The following SYCP1 variants were observed in gnomAD, a reference collection of about 807,000 sequenced individuals.
SYCP1 encodes the protein synaptonemal complex protein 1, also known as cancer/testis antigen 8.
A neutral mutation model predicts 153.1 loss-of-function variants in SYCP1; 64 were observed. The ratio of observed to expected loss-of-function variants is 0.42; its 90% CI spans 0.34 to 0.51. The LOEUF (loss-of-function observed/expected upper bound fraction) is 0.51, where lower values mean the gene tolerates loss of function less well. Among genes scored for constraint, SYCP1 ranks in the 20% least tolerant of loss-of-function variants. SYCP1 has a pLI of 0.06. For missense variants in SYCP1, 997 were observed against 1,049.0 expected, an observed-to-expected ratio of 0.95 and a Z score of 0.68; for synonymous variants, 384 against 341.8, an observed-to-expected ratio of 1.12 and a Z score of -1.36.
intron 30 of SYCP1, among the ~76,000 whole-genome samples, chr1:114,989,559 A>G (rs1431013416): frequency 6.6e-6 from 1 of 151,984 alleles, no homozygotes; most frequent in African/African-American, 2.4e-5. Context: ...CTATCAAAAG[A>G]TATAGATTGG....
At chr1:114,968,817 T>C (rs1672303678) in intron 27 of SYCP1, among the ~76,000 whole-genome samples, 1 of 152,268 alleles carries the variant, frequency 6.6e-6, no homozygotes, top group African/African-American at 2.4e-5. Flanking sequence ...CATGGATTTA[T>C]CTACTTTTGG....
intron 6 of SYCP1, 136 bp downstream of exon 6, chr1:114,858,847 A>G (rs1460138680): frequency 1.3e-6 from 1 of 768,086 alleles, no homozygotes; most frequent in African/African-American, 1.7e-5. Flanking sequence ...GCTTTTTAAA[A>G]GTTACATCAA....
intron 31 of SYCP1, 28 bp from the exon 32 acceptor site, chr1:114,994,854 T>G (rs1271994299): frequency 3.2e-6 from 5 of 1,576,190 alleles, no homozygotes; most frequent in Non-Finnish European, 4.3e-6. Flanking sequence ...AAACATGTTA[T>G]GATTTTTAAA....
chr1:114,911,997 A>G (rs956643980), intron 18 of SYCP1, among the ~76,000 whole-genome samples: 3 of 151,996 alleles, frequency 2.0e-5, no homozygotes, highest in Non-Finnish European at 2.9e-5. Context: ...CAGTAAGTTT[A>G]ATTTGGAGAG....
intron 12 of SYCP1, among the ~76,000 whole-genome samples, chr1:114,882,691 G>A (rs1666037249): frequency 6.6e-6 from 1 of 151,848 alleles, no homozygotes; most frequent in Admixed American, 6.6e-5. Context: ...TGAAAAAAAA[G>A]ATTACTTGTA....
intron 25 of SYCP1, 22 bp downstream of exon 25, chr1:114,945,004 A>T: frequency 6.8e-7 from 1 of 1,468,648 alleles, no homozygotes; most frequent in East Asian, 2.4e-5. Flanking sequence ...CTTCTTATAT[A>T]ATGAAAATTA....
At chr1:114,991,446 A>C (rs555369511) in intron 30 of SYCP1, among the ~76,000 whole-genome samples, 183 of 152,052 alleles carry the variant, frequency 1.2e-3, no homozygotes, top group Non-Finnish European at 2.3e-3. Flanking sequence ...CATATTAAAA[A>C]TTATTTGCCA....
Position 114,923,158 on chromosome 1 carries a change from A to G in SYCP1, c.1719-291A>G, listed in dbSNP as rs11102853. 4.0e-3 allele frequency among the ~76,000 whole-genome samples: 610 copies of G among 152,314 alleles called. 6 individuals are homozygous for G. The highest frequency in any genetic ancestry group is 0.013 in the African/African-American group (557 of 41,574). ...TTTTAAGCCATCAATTTACTTCTGA[A>G]CACAATGATGAATTTATGATATAGT... is the stretch of plus-strand genomic sequence containing the variant. On this transcript the variant is annotated intron_variant, in intron 20 of 31. Coordinates refer to ENST00000369522, the MANE Select transcript of SYCP1 (RefSeq NM_003176.4).
intron 27 of SYCP1, among the ~76,000 whole-genome samples, chr1:114,971,977 G>A (rs1591899): frequency 0.39 from 58,533 of 151,912 alleles, 12,486 homozygotes; most frequent in East Asian, 0.5. Context: ...TTTCAGAATA[G>A]TTTGAGCAGG....
At chr1:114,940,641 A>G (rs951558601) in intron 23 of SYCP1, among the ~76,000 whole-genome samples, 3 of 152,194 alleles carry the variant, frequency 2.0e-5, no homozygotes, top group African/African-American at 4.8e-5. Context: ...ACACTCTGGT[A>G]TGACTTTAGT....
chr1:114,995,235 G>A lies in SYCP1; in HGVS notation c.*216G>A. Reference sequence around the variant, plus strand: ...TCAGATAATTAGATGATTATATATTGTTGTTACTTTTTCTTGTATTCATGA... The same window carrying A: ...TCAGATAATTAGATGATTATATATTATTGTTACTTTTTCTTGTATTCATGA... On this transcript the variant is annotated 3_prime_UTR_variant, in exon 32 of 32. Coordinates refer to ENST00000369522, the MANE Select transcript of SYCP1 (RefSeq NM_003176.4). The A allele has an allele frequency of 2.8e-6, 1 of 360,730 alleles. No homozygotes were observed. Among genetic ancestry groups the A allele is most frequent in the Non-Finnish European group, 4.8e-6 (1 of 210,060 alleles). 22.3% of individuals were successfully genotyped at this position (360,730 alleles called of 1,614,324 possible). A position where few individuals can be genotyped will look rare whatever the true frequency, so the allele number is the denominator to read the frequency against.
chr1:114,893,010 T>G (rs1202881483), intron 15 of SYCP1, among the ~76,000 whole-genome samples: 1 of 152,136 alleles, frequency 6.6e-6, no homozygotes, highest in Non-Finnish European at 1.5e-5. Flanking sequence ...TATGTTAATC[T>G]CAGGGTCCAA....
intron 27 of SYCP1, among the ~76,000 whole-genome samples, chr1:114,973,235 GGAATCTTCTGTTTAA>G (rs1165296824): frequency 1.3e-5 from 2 of 152,018 alleles, no homozygotes; most frequent in African/African-American, 4.8e-5. Flanking sequence ...TTCTTTTAGA[GGAATCTTCTGTTTAA>G]GAAGTTTATC....
intron 27 of SYCP1, among the ~76,000 whole-genome samples, chr1:114,967,612 C>T (rs960575668): frequency 7.2e-5 from 11 of 152,140 alleles, no homozygotes; most frequent in Middle Eastern, 3.4e-3. Context: ...TACAGCACAC[C>T]GATGGGTCTT....
At chr1:114,912,751 A>G (rs1381502803) in intron 18 of SYCP1, among the ~76,000 whole-genome samples, 1 of 151,974 alleles carries the variant, frequency 6.6e-6, no homozygotes, top group Non-Finnish European at 1.5e-5. Flanking sequence ...AAATTTGTGG[A>G]AAGTATGAAA....
At chr1:114,971,503 T>G (rs1469276051) in intron 27 of SYCP1, among the ~76,000 whole-genome samples, 1 of 152,106 alleles carries the variant, frequency 6.6e-6, no homozygotes, top group Non-Finnish European at 1.5e-5. Flanking sequence ...ACCTCCAGTG[T>G]GTAGGGCTGA....
intron 7 of SYCP1, 81 bp from the exon 8 acceptor site, chr1:114,860,655 A>G: frequency 1.1e-6 from 1 of 872,070 alleles, no homozygotes; most frequent in Non-Finnish European, 1.7e-6. Context: ...AAAAATTGTA[A>G]CAATATATTT....
At chr1:114,924,891 C>T (rs527537653) in intron 21 of SYCP1, among the ~76,000 whole-genome samples, 5 of 152,012 alleles carry the variant, frequency 3.3e-5, no homozygotes, top group Admixed American at 6.6e-5. Flanking sequence ...TATATTTACA[C>T]TTTTGAGAGC....
chr1:114,973,833 A>G (rs960387783), intron 27 of SYCP1, among the ~76,000 whole-genome samples: 3 of 151,706 alleles, frequency 2.0e-5, no homozygotes, highest in African/African-American at 7.2e-5. Flanking sequence ...TTTCTTATAT[A>G]TTTTTTCTGT....
Sources: gnomAD v4.1 joint callset for allele counts (sites outside exome capture counted in the v4.1 genomes callset) on GRCh38, gnomAD v4.1.1 for gene constraint, MANE v1.5 for transcripts, NCBI Gene and HGNC (gene_info 2026-07-23, HGNC 2026-07-21) for gene names.